The following GRIN3A variants were observed in gnomAD, a reference collection of about 807,000 sequenced individuals.
GRIN3A encodes the protein glutamate receptor ionotropic, NMDA 3A.
In GRIN3A, 47 loss-of-function variants were observed where a neutral mutation model predicts 92.4. The observed-to-expected ratio is 0.51, with a 90% CI of 0.40 to 0.65. The LOEUF (loss-of-function observed/expected upper bound fraction) is 0.65, where lower values mean the gene tolerates loss of function less well. GRIN3A is among the 30% of genes least tolerant of loss of function. The probability of loss-of-function intolerance (pLI) is 0.00; values close to 1 mark genes in which losing one functional copy is unlikely to be tolerated. For missense variants in GRIN3A, 1,324 were observed against 1,393.1 expected (o/e 0.95, Z 0.79); for synonymous variants, 527 against 540.6 (o/e 0.97, Z 0.35).
At chr9:101,652,639 A>C (rs1829028181) in intron 3 of GRIN3A, among the ~76,000 whole-genome samples, 3 of 151,958 alleles carry the variant, frequency 2.0e-5, no homozygotes, top group Admixed American at 2.0e-4. Context: ...CTGCAGCTGT[A>C]GTTTTCATGC....
At chr9:101,714,152 G>A (rs1029431562) in intron 1 of GRIN3A, among the ~76,000 whole-genome samples, 3 of 152,090 alleles carry the variant, frequency 2.0e-5, no homozygotes, top group African/African-American at 2.4e-5. Flanking sequence ...TTATGAAAAC[G>A]ATTTACTTTA....
In GRIN3A at chr9:101,572,094, A is replaced by T. The variant is rs1163404454; in HGVS notation, c.*1080T>A. On this transcript the variant is annotated 3_prime_UTR_variant, in exon 9 of 9. Transcript: ENST00000361820. Reference sequence around the variant, plus strand: ...GAGTGGGTGTGAGGATGGGGGATTGACTTGATTTTCTATACAGATATGCAA... The same window carrying T: ...GAGTGGGTGTGAGGATGGGGGATTGTCTTGATTTTCTATACAGATATGCAA... The T allele has an allele frequency of 6.6e-6, 1 of 152,292 alleles. No individual in the cohort carries two copies. The highest frequency in any genetic ancestry group is 1.5e-5 in the Non-Finnish European group (1 of 68,138). 9.4% of individuals were successfully genotyped at this position (152,292 alleles called of 1,614,324 possible).
rs1828584381 is a variant in GRIN3A, at chr9:101,623,402, T to C, written c.2530A>G (p.Met844Val). ...TCATAATCCAGAAGGGCTTTGTCCA[T>C]GATGAAGGCGTCTAGTTTCTCTGGA... ...NDPEKLDAFI[M>V]DKALLDYEVS... The change falls in exon 5 of 9, where the codon ATG becomes GTG. Residue 844 changes from methionine to valine, a missense_variant. Met to Val is a conservative substitution (Grantham distance 21). Coordinates refer to ENST00000361820, the MANE Select transcript of GRIN3A (RefSeq NM_133445.3). The C allele has an allele frequency of 1.9e-6, 3 of 1,613,244 alleles. No individual in the cohort carries two copies. The highest frequency in any genetic ancestry group is 2.5e-6 in the Non-Finnish European group (3 of 1,179,160).
intron 3 of GRIN3A, among the ~76,000 whole-genome samples, chr9:101,630,944 A>T (rs758816852): frequency 6.6e-6 from 1 of 152,122 alleles, no homozygotes. Context: ...CTATTTTTCT[A>T]TCCTGCTTTA....
chr9:101,721,544 T>C (rs62576356), intron 1 of GRIN3A, among the ~76,000 whole-genome samples: 27,310 of 151,960 alleles, frequency 0.18, 3,544 homozygotes, highest in African/African-American at 0.37. Context: ...CAGAAGAAGA[T>C]AGAAAAATGT....
At chr9:101,618,279 A>G (rs996577689) in intron 5 of GRIN3A, among the ~76,000 whole-genome samples, 1 of 151,028 alleles carries the variant, frequency 6.6e-6, no homozygotes, top group Non-Finnish European at 1.5e-5. Flanking sequence ...ATGGGAGAAA[A>G]TTTTTGCAAC....
intron 1 of GRIN3A, among the ~76,000 whole-genome samples, chr9:101,726,217 T>C (rs1290634862): frequency 6.6e-6 from 1 of 152,180 alleles, no homozygotes; most frequent in East Asian, 1.9e-4. Flanking sequence ...CTAAGAGATA[T>C]AAGAAATGTA....
At chr9:101,678,444 G>A (rs185342887) in intron 2 of GRIN3A, among the ~76,000 whole-genome samples, 229 of 152,210 alleles carry the variant, frequency 1.5e-3, no homozygotes, top group Admixed American at 2.9e-3. Flanking sequence ...GGCCCTGCAC[G>A]CTATAATCCC....
At chr9:101,644,896 A>T (rs1173743937) in intron 3 of GRIN3A, among the ~76,000 whole-genome samples, 2 of 151,836 alleles carry the variant, frequency 1.3e-5, no homozygotes, top group Non-Finnish European at 2.9e-5. Flanking sequence ...ATAATTGCAC[A>T]TATTTATGGG....
chr9:101,613,900 C>G (rs532403438), intron 5 of GRIN3A, among the ~76,000 whole-genome samples: 1 of 152,260 alleles, frequency 6.6e-6, no homozygotes, highest in South Asian at 2.1e-4. Context: ...TATACAAAAT[C>G]AGATTAATCT....
At chr9:101,638,886 G>A (rs1293283603) in intron 3 of GRIN3A, among the ~76,000 whole-genome samples, 1 of 152,164 alleles carries the variant, frequency 6.6e-6, no homozygotes, top group South Asian at 2.1e-4. Flanking sequence ...AAAGAGTTCA[G>A]CCATTGTACA....
chr9:101,646,926 A>T (rs1828945460), intron 3 of GRIN3A, among the ~76,000 whole-genome samples: 1 of 151,704 alleles, frequency 6.6e-6, no homozygotes, highest in Non-Finnish European at 1.5e-5. Flanking sequence ...CTAAATATAA[A>T]AAAAAATCTG....
At chr9:101,692,046 T>A (rs1484922923) in intron 1 of GRIN3A, among the ~76,000 whole-genome samples, 1 of 152,202 alleles carries the variant, frequency 6.6e-6, no homozygotes, top group East Asian at 1.9e-4. Context: ...TACAATTGAC[T>A]TACAGAGTTT....
intron 6 of GRIN3A, among the ~76,000 whole-genome samples, chr9:101,589,694 A>G (rs1827998081): frequency 1.3e-5 from 2 of 151,982 alleles, no homozygotes; most frequent in South Asian, 4.1e-4. Flanking sequence ...TTGTTTTGTT[A>G]TATTTTATTA....
Position 101,724,634 on chromosome 9 carries a change from C to T in GRIN3A, c.699+12647G>A, listed in dbSNP as rs375660344. On this transcript the variant is annotated intron_variant, in intron 1 of 8. Transcript: ENST00000361820. ...AGGCAGAGGAGGCGCCCAGAGCGAGCGAGCGAGGGCTGTGAGGACTGCCAG... is the reference window on the plus strand; with the variant it reads ...AGGCAGAGGAGGCGCCCAGAGCGAGTGAGCGAGGGCTGTGAGGACTGCCAG... Among the ~76,000 whole-genome samples, 1,300 of 152,328 alleles carry T rather than the reference C, an allele frequency of 8.5e-3. 21 individuals carry two copies. Among genetic ancestry groups the T allele is most frequent in the African/African-American group, 0.03 (1,232 of 41,582 alleles).
intron 6 of GRIN3A, among the ~76,000 whole-genome samples, chr9:101,612,968 G>T (rs752847177): frequency 6.6e-6 from 1 of 152,164 alleles, no homozygotes; most frequent in Non-Finnish European, 1.5e-5. Context: ...GTAACCACTG[G>T]TAAGTTAGCA....
chr9:101,642,324 A>G (rs2118902609), intron 3 of GRIN3A, among the ~76,000 whole-genome samples: 1 of 152,256 alleles, frequency 6.6e-6, no homozygotes, highest in African/African-American at 2.4e-5. Context: ...ATTAAAACCA[A>G]CTCAAAATAG....
intron 1 of GRIN3A, among the ~76,000 whole-genome samples, chr9:101,691,286 A>G (rs1829615102): frequency 6.6e-6 from 1 of 152,158 alleles, no homozygotes; most frequent in African/African-American, 2.4e-5. Context: ...TGGATGAGAG[A>G]TAGACAATAT....
chr9:101,577,906 G>A (rs975851041), intron 7 of GRIN3A, 62 bp from the exon 8 acceptor site: 19 of 1,210,986 alleles, frequency 1.6e-5, no homozygotes, highest in Non-Finnish European at 2.2e-5. Flanking sequence ...AGGGAACAAA[G>A]AACCACTTGA....
Sources: allele counts gnomAD v4.1 joint callset (sites outside exome capture counted in the v4.1 genomes callset), GRCh38; gene constraint gnomAD v4.1.1; transcripts MANE v1.5; gene names NCBI Gene and HGNC (gene_info 2026-07-23, HGNC 2026-07-21).